The following DCC variants were observed in gnomAD, a reference collection of about 807,000 sequenced individuals.
DCC encodes netrin receptor DCC.
A neutral mutation model predicts 172.5 loss-of-function variants in DCC; 58 were observed. The observed-to-expected ratio is 0.34, with a 90% confidence interval of 0.27 to 0.42. DCC has a LOEUF of 0.42. Ranked by LOEUF, DCC falls within the 10% of genes least tolerant of loss-of-function variation. The pLI, the probability that DCC is intolerant of heterozygous loss-of-function variation, is 1.00. For synonymous variants in DCC, 709 were observed against 644.5 expected (o/e 1.10, Z -1.52); for missense variants, 1,740 against 1,791.0 (o/e 0.97, Z 0.51).
chr18:53,315,423 A>T (rs1033930366), intron 13 of DCC, among the ~76,000 whole-genome samples: 2 of 152,164 alleles, frequency 1.3e-5, no homozygotes, highest in Non-Finnish European at 2.9e-5. Flanking sequence ...CAATAAACAT[A>T]CATGTGCATG....
chr18:53,099,708 A>C (rs545198237), intron 7 of DCC, among the ~76,000 whole-genome samples: 2 of 152,090 alleles, frequency 1.3e-5, no homozygotes, highest in South Asian at 2.1e-4. Flanking sequence ...TAAGTTCCTA[A>C]AGGAGGTTTG....
Position 53,534,026 on chromosome 18 carries a change from G to A in DCC, c.*3373G>A, listed in dbSNP as rs1186332706. 6.6e-6 allele frequency: 1 copy of A among 152,082 alleles called. No individual in the cohort carries two copies. The highest frequency in any genetic ancestry group is 1.9e-4 in the East Asian group (1 of 5,188). 9.4% of individuals were successfully genotyped at this position (152,082 alleles called of 1,614,324 possible). On this transcript the variant is annotated 3_prime_UTR_variant, in exon 29 of 29. Coordinates refer to ENST00000442544, the MANE Select transcript of DCC (RefSeq NM_005215.4). ...AGTACAGGTATTTCTGGAAGCTGTTGGTGTCTGTGCTTGAAGATGATTGCT... is the reference window on the plus strand; with the variant it reads ...AGTACAGGTATTTCTGGAAGCTGTTAGTGTCTGTGCTTGAAGATGATTGCT...
At chr18:53,087,010 A>T (rs2144161788) in intron 7 of DCC, among the ~76,000 whole-genome samples, 1 of 151,886 alleles carries the variant, frequency 6.6e-6, no homozygotes, top group East Asian at 2.0e-4. Context: ...ATTGTTGGAC[A>T]TTTGCGTTGG....
At chr18:52,769,169 G>T (rs1246874699) in intron 2 of DCC, among the ~76,000 whole-genome samples, 3 of 152,186 alleles carry the variant, frequency 2.0e-5, no homozygotes, top group Non-Finnish European at 4.4e-5. Context: ...ATCTTCCAAA[G>T]TGGATATACC....
chr18:52,843,424 C>T (rs1160112334), intron 2 of DCC, among the ~76,000 whole-genome samples: 4 of 151,992 alleles, frequency 2.6e-5, no homozygotes, highest in African/African-American at 7.3e-5. Context: ...ATCCTTGCAT[C>T]AAGCAGAGAA....
chr18:52,765,899 T>C (rs904728872), intron 2 of DCC, among the ~76,000 whole-genome samples: 4 of 152,230 alleles, frequency 2.6e-5, no homozygotes, highest in African/African-American at 9.7e-5. Flanking sequence ...TATGAGATAG[T>C]GTCTATCTTC....
intron 24 of DCC, among the ~76,000 whole-genome samples, chr18:53,464,338 C>T (rs1403064233): frequency 6.6e-6 from 1 of 152,162 alleles, no homozygotes; most frequent in East Asian, 1.9e-4. Flanking sequence ...ATGTTCAATT[C>T]AGTGAATAAC....
intron 7 of DCC, among the ~76,000 whole-genome samples, chr18:53,097,300 C>T (rs1291480856): frequency 2.0e-5 from 3 of 152,246 alleles, no homozygotes; most frequent in East Asian, 1.9e-4. Context: ...GATCACTTCC[C>T]GGTTGCCCTT....
intron 2 of DCC, among the ~76,000 whole-genome samples, chr18:52,851,574 C>A (rs1646649367): frequency 6.6e-6 from 1 of 152,040 alleles, no homozygotes; most frequent in Admixed American, 6.6e-5. Flanking sequence ...TTCCATTTAT[C>A]ATTTCCTGAA....
In DCC at chr18:53,157,518, T is replaced by C. The variant is rs756008474; in HGVS notation, c.1418+6T>C. 10 of 1,613,644 alleles carry C rather than the reference T, an allele frequency of 6.2e-6. No individual in the cohort carries two copies. In the Admixed American group the frequency reaches 1.0e-4, roughly 16 times the overall value. ...TCCAGAGAAGGTGACAACAGGTAGG[T>C]GATGCTACCAATAAAATTCAGCTTA... On this transcript the variant is annotated splice_donor_region_variant and intron_variant, in intron 8 of 28. Transcript: ENST00000442544.
rs546249202 is a variant in DCC, at chr18:53,013,828, G to T, written c.986-49477G>T. ...CTCTTATTTCCTTGGGAATAAAGAA[G>T]CAGATTTCAAATTATAGATTATTGT... On this transcript the variant is annotated intron_variant, in intron 5 of 28. Coordinates refer to ENST00000442544, the MANE Select transcript of DCC (RefSeq NM_005215.4). 9.2e-5 allele frequency among the ~76,000 whole-genome samples: 14 copies of T among 152,166 alleles called. 1 individual carries two copies. The South Asian group carries it at 2.9e-3, about 32-fold the overall frequency.
intron 25 of DCC, among the ~76,000 whole-genome samples, chr18:53,474,454 C>A (rs2045737042): frequency 6.6e-6 from 1 of 152,100 alleles, no homozygotes; most frequent in African/African-American, 2.4e-5. Flanking sequence ...ATCTTGAATT[C>A]CCATGTCTTG....
At chr18:53,527,096 T>A (rs1041197939) in intron 28 of DCC, 6 of 36,488 alleles carry the variant, frequency 1.6e-4, no homozygotes, top group Non-Finnish European at 3.3e-4. Context: ...GATACGTGTG[T>A]GTGTGTGTGT....
At chr18:52,988,769 G>T (rs2041335333) in intron 5 of DCC, among the ~76,000 whole-genome samples, 1 of 151,838 alleles carries the variant, frequency 6.6e-6, no homozygotes, top group Admixed American at 6.6e-5. Flanking sequence ...ATATGTTCTT[G>T]AAGGAGCCTT....
chr18:52,826,043 C>A (rs1302718980), intron 2 of DCC, among the ~76,000 whole-genome samples: 2 of 152,168 alleles, frequency 1.3e-5, no homozygotes, highest in South Asian at 2.1e-4. Context: ...TTTTAAAGAG[C>A]ACTTGAATAA....
chr18:53,457,771 C>T (rs1450698115), intron 23 of DCC, among the ~76,000 whole-genome samples: 2 of 152,078 alleles, frequency 1.3e-5, no homozygotes, highest in African/African-American at 2.4e-5. Flanking sequence ...TGTTTTAAAA[C>T]ATTGTGGGGC....
intron 1 of DCC, among the ~76,000 whole-genome samples, chr18:52,603,883 T>A (rs1325586657): frequency 2.0e-5 from 1 of 49,092 alleles, no homozygotes; most frequent in African/African-American, 5.6e-5. Context: ...ATTTTTCCTC[T>A]CATTTTATGT....
At chr18:53,349,261 A>G (rs1302639236) in intron 15 of DCC, among the ~76,000 whole-genome samples, 2 of 152,126 alleles carry the variant, frequency 1.3e-5, no homozygotes, top group African/African-American at 4.8e-5. Context: ...ATATAACAAG[A>G]GTCACCTTTG....
At chr18:53,106,358 C>G (rs1341146434) in intron 7 of DCC, among the ~76,000 whole-genome samples, 1 of 151,852 alleles carries the variant, frequency 6.6e-6, no homozygotes, top group Non-Finnish European at 1.5e-5. Context: ...TGCTTACTTG[C>G]CTGCCTGGTA....
Sources: gnomAD v4.1 joint callset for allele counts (sites outside exome capture counted in the v4.1 genomes callset) on GRCh38, gnomAD v4.1.1 for gene constraint, MANE v1.5 for transcripts, NCBI Gene and HGNC (gene_info 2026-07-23, HGNC 2026-07-21) for gene names.